The following NUP214 variants were observed in gnomAD, a reference collection of about 807,000 sequenced individuals.
NUP214 encodes nucleoporin 214.
NUP214 carries 79 observed loss-of-function variants against 196.2 expected under a neutral mutation model. The ratio of observed to expected loss-of-function variants is 0.40; its 90% CI spans 0.34 to 0.49. NUP214 has a LOEUF of 0.49. Among genes scored for constraint, NUP214 ranks in the 20% least tolerant of loss-of-function variants. The pLI is 0.58. For synonymous variants in NUP214, 1,020 were observed against 990.5 expected (o/e 1.03, Z -0.56); for missense variants, 2,468 against 2,539.0 (o/e 0.97, Z 0.60).
chr9:131,193,629 C>CTTTTTTTTTTT (rs71389402), intron 27 of NUP214, among the ~76,000 whole-genome samples: 933 of 28,192 alleles, frequency 0.033, 281 homozygotes, highest in Non-Finnish European at 0.038. Flanking sequence ...TCTTCCTTTT[C>CTTTTTTTTTTT]TTTTTTTTTT....
intron 8 of NUP214, among the ~76,000 whole-genome samples, chr9:131,135,657 C>T (rs1831705476): frequency 6.6e-6 from 1 of 152,190 alleles, no homozygotes; most frequent in Admixed American, 6.5e-5. Context: ...CATTATTCTG[C>T]CTTTGGATGG....
intron 22 of NUP214, 86 bp downstream of exon 22, chr9:131,174,404 CACCAAT>C: frequency 9.1e-7 from 1 of 1,094,450 alleles, no homozygotes; most frequent in Non-Finnish European, 1.3e-6. Flanking sequence ...TATACTGTCA[CACCAAT>C]ATGGTGGTTG....
chr9:131,189,203 C>A, intron 26 of NUP214, 72 bp downstream of exon 26: 1 of 1,224,960 alleles, frequency 8.2e-7, no homozygotes, highest in Non-Finnish European at 1.2e-6. Context: ...TTCTGGATCA[C>A]TGAGACAGTT....
chr9:131,207,970 G>A lies in NUP214; in HGVS notation c.5592+6253G>A, dbSNP rs1485264885. 7.2e-5 allele frequency among the ~76,000 whole-genome samples: 11 copies of A among 152,176 alleles called. 1 individual carries two copies. Among genetic ancestry groups the A allele is most frequent in the Non-Finnish European group, 1.3e-4 (9 of 68,034 alleles). ...AGTAATTACATGAAAAGGTGATCAA[G>A]TAGCATTAAACTAATGAGGGAAATG... On this transcript the variant is annotated intron_variant, in intron 30 of 35. Coordinates refer to ENST00000359428, the MANE Select transcript of NUP214 (RefSeq NM_005085.4).
Position 131,183,465 on chromosome 9 carries a change from A to G in NUP214, c.3420-3824A>G, listed in dbSNP as rs143140055. ...ATAGTTACCATTTCCAGGGTTCTTC[A>G]TTCCTGTGTCTGGTCCCAGCTTGCC... On this transcript the variant is annotated intron_variant, in intron 24 of 35. Transcript: ENST00000359428. Among the ~76,000 whole-genome samples the G allele has an allele frequency of 9.8e-3, 1,493 of 152,298 alleles. 18 individuals are homozygous for G. Among genetic ancestry groups the G allele is most frequent in the African/African-American group, 0.034 (1,425 of 41,564 alleles).
chr9:131,201,417 T>C (rs1833934908), intron 29 of NUP214, among the ~76,000 whole-genome samples: 3 of 150,332 alleles, frequency 2.0e-5, no homozygotes, highest in Admixed American at 6.6e-5. Flanking sequence ...AAAAAAAAAA[T>C]TAGCTGGGCA....
chr9:131,173,082 A>C lies in NUP214; in HGVS notation c.2894-973A>C, dbSNP rs551730333. On this transcript the variant is annotated intron_variant, in intron 21 of 35. Coordinates refer to ENST00000359428, the MANE Select transcript of NUP214 (RefSeq NM_005085.4). The stretch of plus-strand genomic sequence containing the variant: ...TTTTTCTTGTTGTTATTTGAGAAGG[A>C]GTCTCACTCTGTTGCCCAGGCTGCA... 1.9e-3 allele frequency among the ~76,000 whole-genome samples: 293 copies of C among 152,212 alleles called. 3 individuals carry two copies. Among genetic ancestry groups the C allele is most frequent in the African/African-American group, 6.7e-3 (280 of 41,542 alleles).
chr9:131,140,431 T>G, intron 10 of NUP214, 118 bp from the exon 11 acceptor site: 9 of 773,910 alleles, frequency 1.2e-5, no homozygotes, highest in Non-Finnish European at 1.9e-5. Context: ...CAAACTAACT[T>G]GAGCTGCTAT....
At position 131,197,262 on chromosome 9, in the gene NUP214, A is replaced by T. The variant is rs138300996; in HGVS notation, c.3768A>T (p.Ser1256=). ...AGTCAAGCCAGCCGGACGCATTCTC[A>T]TCTGGTGGGGGAAGCAAACCTTCTT... The part of the protein sequence containing the change: ...TKESSQPDAF[S]SGGGSKPSYE... The change falls in exon 29 of 36, where the codon TCA becomes TCT. Residue 1256 remains serine (S), a synonymous_variant. Coordinates refer to ENST00000359428, the MANE Select transcript of NUP214 (RefSeq NM_005085.4). The T allele has an allele frequency of 4.8e-5, 78 of 1,612,348 alleles. 2 individuals are homozygous for T. The East Asian group carries it at 1.6e-3, about 33-fold the overall frequency.
intron 29 of NUP214, among the ~76,000 whole-genome samples, chr9:131,199,267 G>A (rs1217667387): frequency 1.3e-5 from 2 of 152,166 alleles, no homozygotes; most frequent in Non-Finnish European, 2.9e-5. Context: ...ACCAGAGTGT[G>A]TTTCATGGGG....
chr9:131,147,740 C>G (rs1832126529), intron 14 of NUP214, among the ~76,000 whole-genome samples, 156 bp downstream of exon 14: 1 of 152,218 alleles, frequency 6.6e-6, no homozygotes, highest in South Asian at 2.1e-4. Flanking sequence ...GGTTTGAATA[C>G]TTGTATACTC....
At chr9:131,161,288 C>T (rs951414850) in intron 18 of NUP214, among the ~76,000 whole-genome samples, 16 of 147,680 alleles carry the variant, frequency 1.1e-4, no homozygotes, top group Non-Finnish European at 1.5e-4. Context: ...GACTAAGTCT[C>T]GCTGTGTCAC....
At chr9:131,165,884 T>C (rs1409558606) in intron 21 of NUP214, among the ~76,000 whole-genome samples, 1 of 152,232 alleles carries the variant, frequency 6.6e-6, no homozygotes, top group Non-Finnish European at 1.5e-5. Flanking sequence ...ATTCCACTTA[T>C]ATGAAGTATC....
intron 24 of NUP214, among the ~76,000 whole-genome samples, chr9:131,181,006 T>G (rs766203202): frequency 2.6e-5 from 4 of 152,076 alleles, no homozygotes; most frequent in Non-Finnish European, 4.4e-5. Flanking sequence ...AAGTAAAATA[T>G]GTAATATATT....
At chr9:131,196,532 G>A (rs1021489445) in intron 28 of NUP214, among the ~76,000 whole-genome samples, 3 of 152,094 alleles carry the variant, frequency 2.0e-5, no homozygotes, top group East Asian at 1.9e-4. Context: ...TATTTCCTGC[G>A]ATCTTTGTAA....
chr9:131,206,368 A>T (rs1588167156), intron 30 of NUP214, among the ~76,000 whole-genome samples: 1 of 148,170 alleles, frequency 6.7e-6, no homozygotes, highest in African/African-American at 2.5e-5. Context: ...CTGGTCTTGA[A>T]CTCCTGGGCT....
chr9:131,150,201 C>T lies in NUP214; in HGVS notation c.2041-123C>T, dbSNP rs1265959681. 1.2e-5 allele frequency: 9 copies of T among 770,204 alleles called. No individual in the cohort carries two copies. In the East Asian group the frequency reaches 1.3e-4, roughly 11 times the overall value. The allele number at this position is 770,204 out of a possible 1,614,324, so 47.7% of individuals were successfully genotyped here. On this transcript the variant is annotated intron_variant, in intron 14 of 35. Transcript: ENST00000359428. ...AGTAGAGACCCTATAAATAAGGATT[C>T]GTTACAATGAGTGAAGAAATAATGA...
chr9:131,159,104 G>C (rs1832548004), intron 17 of NUP214: 2 of 372,636 alleles, frequency 5.4e-6, no homozygotes, highest in Admixed American at 4.6e-5. Context: ...ATTAGAGACA[G>C]AGTCTTGCTG....
intron 31 of NUP214, among the ~76,000 whole-genome samples, chr9:131,221,463 C>T (rs1564218386): frequency 1.3e-5 from 2 of 152,256 alleles, no homozygotes; most frequent in African/African-American, 4.8e-5. Context: ...TGCATCTGGA[C>T]GTATTAACCA....
Sources: gnomAD v4.1 joint callset for allele counts (sites outside exome capture counted in the v4.1 genomes callset) on GRCh38, gnomAD v4.1.1 for gene constraint, MANE v1.5 for transcripts, NCBI Gene and HGNC (gene_info 2026-07-23, HGNC 2026-07-21) for gene names.